Variants in FTSJ1 observed in about 807,000 individuals in gnomAD.
The protein encoded by FTSJ1 is tRNA (cytidine(32)/guanosine(34)-2'-O)-methyltransferase.
A neutral mutation model predicts 28.5 loss-of-function variants in FTSJ1; 3 were observed. The ratio of observed to expected loss-of-function variants is 0.11; its 90% CI spans 0.05 to 0.27. The LOEUF (loss-of-function observed/expected upper bound fraction) is 0.27, where lower values mean the gene tolerates loss of function less well. Ranked by LOEUF, FTSJ1 falls within the 10% of genes least tolerant of loss-of-function variation. The pLI is 1.00. For synonymous variants in FTSJ1, 104 were observed against 113.9 expected (o/e 0.91, Z 0.55); for missense variants, 162 against 279.0 (o/e 0.58, Z 2.99).
chrX:48,479,412 G>A (rs1556967755), intron 5 of FTSJ1, among the ~76,000 whole-genome samples: 1 of 112,529 alleles, frequency 8.9e-6, no homozygotes, highest in East Asian at 2.8e-4. Flanking sequence ...TTCATTTTCA[G>A]CCAGCCAGCC....
At position 48,482,347 on chromosome X, in the gene FTSJ1, A is replaced by G. The variant is rs1394640703; in HGVS notation, c.656-56A>G. On this transcript the variant is annotated intron_variant, in intron 9 of 12. Coordinates refer to ENST00000348411, the MANE Select transcript of FTSJ1 (RefSeq NM_012280.4). ...TGGCAGCCATACCGCCGCCTGTGTC[A>G]TGACTGGCCCCAGGCATCCTGACCT... The G allele has an allele frequency of 9.7e-6, 8 of 825,483 alleles. No individual in the cohort carries two copies. In the African/African-American group the frequency reaches 1.0e-4, roughly 10 times the overall value. The allele number at this position is 825,483 out of a possible 1,213,427, so 68.0% of individuals were successfully genotyped here. A position where few individuals can be genotyped will look rare whatever the true frequency, so the allele number is the denominator to read the frequency against.
At chrX:48,478,546 C>G (rs372507938) in intron 3 of FTSJ1, 28 bp downstream of exon 3, 2 of 1,196,250 alleles carry the variant, frequency 1.7e-6, no homozygotes, top group Non-Finnish European at 2.3e-6. Flanking sequence ...AGATGGGAGA[C>G]CCAGGAGGGC....
Position 48,476,412 on chromosome X carries a change from C to T in FTSJ1, c.-88+16C>T, listed in dbSNP as rs782150642. ...GAAAACTAAGGTGGGCCCTGGGGCG[C>T]GGAGGACAGGAATGCGGGCGGAGGC... On this transcript the variant is annotated intron_variant, in intron 1 of 12. Transcript: ENST00000348411. 3.4e-6 allele frequency: 1 copy of T among 295,005 alleles called. No homozygotes were observed. The highest frequency in any genetic ancestry group is 5.9e-6 in the Non-Finnish European group (1 of 168,406). The allele number at this position is 295,005 out of a possible 1,213,427, so 24.3% of individuals were successfully genotyped here.
intron 12 of FTSJ1, among the ~76,000 whole-genome samples, chrX:48,483,752 C>G (rs1286427553): frequency 1.8e-5 from 2 of 110,842 alleles, no homozygotes; most frequent in Non-Finnish European, 3.8e-5. Context: ...TCCCAAAGTA[C>G]CAGGATTACA....
intron 1 of FTSJ1, among the ~76,000 whole-genome samples, chrX:48,477,752 T>A (rs968183815): frequency 5.5e-5 from 6 of 109,302 alleles, no homozygotes; most frequent in Admixed American, 9.8e-5. Context: ...GTTTATGGGG[T>A]CTTTTGTGGG....
At position 48,481,714 on chromosome X, in the gene FTSJ1, C is replaced by T. The variant is rs141084617; in HGVS notation, c.654C>T (p.Tyr218=). ...GCAAACCCCTGCTGGACCATTCTTA[C>T]GGTGAGAGCTGGAGCATGGGCCACC... The part of the protein sequence containing the change: ...DLSKPLLDHS[Y]DPDFNQLDGP... Residue 218 remains tyrosine (Y), a splice_region_variant and synonymous_variant, in exon 9 of 13, where the codon TAC becomes TAT. Coordinates refer to ENST00000348411, the MANE Select transcript of FTSJ1 (RefSeq NM_012280.4). The T allele has an allele frequency of 6.5e-4, 744 of 1,141,415 alleles. 3 individuals are homozygous for T. The highest frequency in any genetic ancestry group is 5.0e-3 in the African/African-American group (280 of 56,261). The allele number at this position is 1,141,415 out of a possible 1,213,427, so 94.1% of individuals were successfully genotyped here.
rs782580876 is a variant in FTSJ1 at position 48,482,506 on chromosome X, C to T, written c.759C>T (p.Asp253=). The change falls in exon 10 of 13, where the codon GAC becomes GAT. Residue 253 remains aspartate, a splice_region_variant and synonymous_variant. Transcript: ENST00000348411. Reference sequence around the variant, plus strand: ...ATTCGGACCGCAGTTACCCACTGGACGTGAGTGCCCAACCAACAGTAGGTG... The same window carrying T: ...ATTCGGACCGCAGTTACCCACTGGATGTGAGTGCCCAACCAACAGTAGGTG... ...SYDSDRSYPL[D]LEGGSEYKYT... 20 of 1,189,294 alleles carry T rather than the reference C, an allele frequency of 1.7e-5. No homozygotes were observed. Among genetic ancestry groups the T allele is most frequent in the Admixed American group, 4.4e-5 (2 of 45,413 alleles).
intron 1 of FTSJ1, among the ~76,000 whole-genome samples, chrX:48,476,861 A>G (rs1224925593): frequency 9.0e-6 from 1 of 110,929 alleles, no homozygotes; most frequent in Non-Finnish European, 1.9e-5. Flanking sequence ...TGGATGGGAA[A>G]ATGATCCCCC....
chrX:48,476,541 T>C (rs1162758320), intron 1 of FTSJ1, 145 bp downstream of exon 1: 4 of 259,253 alleles, frequency 1.5e-5, no homozygotes, highest in Non-Finnish European at 2.7e-5. Context: ...GGGTGGGTTC[T>C]AGACCCAAGG....
Position 48,482,907 on chromosome X carries a change from T to TA in FTSJ1, c.958-73dup. ...TCCCTTTCCTGCCTCCCAATAGCTA[T>TA]AAAAAATTGGTAAAGCCAAGCATAA... On this transcript the variant is annotated intron_variant, in intron 11 of 12. Coordinates refer to ENST00000348411, the MANE Select transcript of FTSJ1 (RefSeq NM_012280.4). 4.1e-6 allele frequency: 5 copies of TA among 1,209,462 alleles called. No homozygotes were observed. In the East Asian group the frequency reaches 1.2e-4, roughly 29 times the overall value.
intron 1 of FTSJ1, among the ~76,000 whole-genome samples, chrX:48,477,171 T>C (rs927984131): frequency 9.0e-6 from 1 of 111,013 alleles, no homozygotes; most frequent in Non-Finnish European, 1.9e-5. Context: ...TAGTAAACTG[T>C]TGGAGTGTGA....
At chrX:48,482,279 G>T (rs781927694) in intron 9 of FTSJ1, 124 bp from the exon 10 acceptor site, 1 of 517,220 alleles carries the variant, frequency 1.9e-6, no homozygotes, top group Non-Finnish European at 3.5e-6. Flanking sequence ...AGGATTTCTG[G>T]TGGGGTGGGA....
At chrX:48,482,015 A>G (rs1005744829) in intron 9 of FTSJ1, among the ~76,000 whole-genome samples, 14 of 112,072 alleles carry the variant, frequency 1.2e-4, no homozygotes, top group African/African-American at 4.2e-4. Context: ...GCCTAAGGAC[A>G]TTCTCTCCTA....
Position 48,476,302 on chromosome X carries a change from C to T in FTSJ1, c.-182C>T, listed in dbSNP as rs1451517663. ...TTGCCCCCCCGGGCATTCGGGTGGA[C>T]TACGAACACAAACTGAAGCCCTAGG... On this transcript the variant is annotated 5_prime_UTR_variant, in exon 1 of 13. Transcript: ENST00000348411. 3.4e-6 allele frequency: 1 copy of T among 298,402 alleles called. No individual in the cohort carries two copies. Among genetic ancestry groups the T allele is most frequent in the Non-Finnish European group, 5.9e-6 (1 of 170,425 alleles). The allele number at this position is 298,402 out of a possible 1,213,427, so 24.6% of individuals were successfully genotyped here.
rs782597073 is a variant in FTSJ1, at chrX:48,481,681, G to A, written c.621G>A (p.Pro207=). Residue 207 remains proline (P), a synonymous_variant, in exon 9 of 13, where the codon CCG becomes CCA. Transcript: ENST00000348411. ...QGYDPPEGFI[P]DLSKPLLDHS... ...ATGACCCTCCCGAGGGCTTCATCCC[G>A]GACCTGAGCAAACCCCTGCTGGACC... 7 of 1,194,492 alleles carry A rather than the reference G, an allele frequency of 5.9e-6. No individual in the cohort carries two copies. Among genetic ancestry groups the A allele is most frequent in the East Asian group, 3.0e-5 (1 of 33,741 alleles).
rs782465106 is a variant in FTSJ1 at position 48,479,218 on chromosome X, C to T, written c.361+102C>T. ...ACTTATTCACCTCTTCAGTTACTCC[C>T]TGCCTCTCCCTTCCGCACTCAGCTT... On this transcript the variant is annotated intron_variant, in intron 5 of 12. Transcript: ENST00000348411. 7.0e-5 allele frequency: 39 copies of T among 554,525 alleles called. No individual in the cohort carries two copies. In the South Asian group the frequency reaches 8.3e-4, roughly 12 times the overall value. The allele number at this position is 554,525 out of a possible 1,213,427, so 45.7% of individuals were successfully genotyped here. A position where few individuals can be genotyped will look rare whatever the true frequency, so the allele number is the denominator to read the frequency against.
At chrX:48,484,835 A>C (rs994077653) in intron 12 of FTSJ1, among the ~76,000 whole-genome samples, 2 of 112,591 alleles carry the variant, frequency 1.8e-5, no homozygotes, top group African/African-American at 6.5e-5. Context: ...CATCAGGAAA[A>C]TACAAGTGAA....
In FTSJ1 at chrX:48,479,798, G is replaced by A. The variant is rs141232033; in HGVS notation, c.361+682G>A. 5.9e-3 allele frequency among the ~76,000 whole-genome samples: 653 copies of A among 111,605 alleles called. 4 individuals carry two copies. Among genetic ancestry groups the A allele is most frequent in the Non-Finnish European group, 9.1e-3 (484 of 53,059 alleles). On this transcript the variant is annotated intron_variant, in intron 5 of 12. Coordinates refer to ENST00000348411, the MANE Select transcript of FTSJ1 (RefSeq NM_012280.4). The stretch of plus-strand genomic sequence containing the variant: ...GTCGAGGTTACAGTACACTTTGATC[G>A]CACCACTGCACTCCAGCCTGGGCAA...
At position 48,481,667 on chromosome X, in the gene FTSJ1, G is replaced by A. The variant is rs370432290; in HGVS notation, c.607G>A (p.Glu203Lys). Residue 203 changes from glutamate (E) to lysine (K), a missense_variant, in exon 9 of 13, where the codon GAG becomes AAG. Coordinates refer to ENST00000348411, the MANE Select transcript of FTSJ1 (RefSeq NM_012280.4). The part of the protein sequence containing the change: ...FAVCQGYDPP[E>K]GFIPDLSKPL... ...TGTCTGTCAGGGCTATGACCCTCCC[G>A]AGGGCTTCATCCCGGACCTGAGCAA... 4.2e-6 allele frequency: 5 copies of A among 1,200,012 alleles called. No individual in the cohort carries two copies. Among genetic ancestry groups the A allele is most frequent in the East Asian group, 3.0e-5 (1 of 33,741 alleles).
Sources: gnomAD v4.1 joint callset for allele counts (sites outside exome capture counted in the v4.1 genomes callset) on GRCh38, gnomAD v4.1.1 for gene constraint, MANE v1.5 for transcripts, NCBI Gene and HGNC (gene_info 2026-07-23, HGNC 2026-07-21) for gene names.